ARHGEF16: variants seen among roughly 807,000 people sequenced by gnomAD.
ARHGEF16 encodes the protein Rho guanine nucleotide exchange factor 16.
In ARHGEF16, 59 loss-of-function variants were observed where a neutral mutation model predicts 74.1. The ratio of observed to expected loss-of-function variants is 0.80; its 90% CI spans 0.65 to 0.99. The LOEUF is 0.99. ARHGEF16 is among the 50% of genes least tolerant of loss of function. ARHGEF16 has a pLI of 0.00. For synonymous variants in ARHGEF16, 415 were observed against 412.6 expected (o/e 1.01, Z -0.07); for missense variants, 948 against 986.6 (o/e 0.96, Z 0.52).
intron 1 of ARHGEF16, among the ~76,000 whole-genome samples, chr1:3,457,784 G>A (rs571067023): frequency 1.8e-4 from 27 of 152,318 alleles, no homozygotes; most frequent in Non-Finnish European, 3.2e-4. Flanking sequence ...CCGCCTGCTC[G>A]CCTCTGCTGC....
chr1:3,468,892 G>A lies in ARHGEF16; in HGVS notation c.817G>A (p.Gly273Ser), dbSNP rs1639624767. 1 of 1,550,474 alleles carries A rather than the reference G, an allele frequency of 6.4e-7. No individual in the cohort carries two copies. Among genetic ancestry groups the A allele is most frequent in the Non-Finnish European group, 8.7e-7 (1 of 1,146,882 alleles). ...WSQLPEVVEL[G>S]ILDQLSTEER... is the part of the protein sequence containing the mutation. ...TGTGTCCCCCCAGGTGGTGGAATTG[G>A]GCATCCTGGACCAGCTCTCCACTGA... The change falls in exon 5 of 15, where the codon GGC becomes AGC. Residue 273 changes from glycine to serine, a missense_variant. Gly to Ser is a moderately conservative substitution (Grantham distance 56). Transcript: ENST00000378378.
At position 3,476,074 on chromosome 1, in the gene ARHGEF16, C is replaced by G. The variant is rs1407967563; in HGVS notation, c.1473+12C>G. Reference sequence around the variant, plus strand: ...TCAGCAAGGTCAAGGTAGGTGGCCCCGGACATCAGGGCCACTCGGACCACT... The same window carrying G: ...TCAGCAAGGTCAAGGTAGGTGGCCCGGGACATCAGGGCCACTCGGACCACT... On this transcript the variant is annotated intron_variant, in intron 10 of 14. Transcript: ENST00000378378. The G allele has an allele frequency of 2.6e-6, 4 of 1,548,598 alleles. No homozygotes were observed. The highest frequency in any genetic ancestry group is 3.5e-6 in the Non-Finnish European group (4 of 1,145,790).
rs1263350173 is a variant in ARHGEF16 at position 3,474,746 on chromosome 1, C to T, written c.1344C>T (p.Tyr448=). The change falls in exon 9 of 15, where the codon TAC becomes TAT. Residue 448 remains tyrosine (Y), a synonymous_variant. Coordinates refer to ENST00000378378, the MANE Select transcript of ARHGEF16 (RefSeq NM_014448.4). ...AGACCCAGGGCCACTCCGAAAGGTA[C>T]AAGGCTGCCAGCCGTGCACTGAAGG... ...CLKTQGHSER[Y]KAASRALKAI... 6 of 1,612,910 alleles carry T rather than the reference C, an allele frequency of 3.7e-6. No individual in the cohort carries two copies. The highest frequency in any genetic ancestry group is 5.1e-6 in the Non-Finnish European group (6 of 1,179,976).
Position 3,480,625 on chromosome 1 carries a change from C to T in ARHGEF16, c.*38C>T. On this transcript the variant is annotated 3_prime_UTR_variant, in exon 15 of 15. Transcript: ENST00000378378. ...CAGCCGGCGGCAGCACAGCCTGTCT[C>T]CAATCAGCAAGTGGTCGTGCCTGGC... is the stretch of plus-strand genomic sequence containing the variant. The T allele has an allele frequency of 6.3e-7, 1 of 1,590,412 alleles. No homozygotes were observed. Among genetic ancestry groups the T allele is most frequent in the Non-Finnish European group, 8.5e-7 (1 of 1,173,640 alleles).
chr1:3,471,658 A>G, intron 6 of ARHGEF16: 1 of 1,228,620 alleles, frequency 8.1e-7, no homozygotes, highest in South Asian at 1.4e-5. Flanking sequence ...AGGCAGCTGC[A>G]TGTTTGCCTC....
chr1:3,480,396 G>A lies in ARHGEF16; in HGVS notation c.1991-52G>A, dbSNP rs74050532. On this transcript the variant is annotated intron_variant, in intron 14 of 14. Transcript: ENST00000378378. ...TCAGGCATAGCAGCTCAGAGGGGCC[G>A]GGGGACCCACGGCCTTCCCCTCACC... 3.4e-5 allele frequency: 54 copies of A among 1,603,462 alleles called. No homozygotes were observed. The Admixed American group carries it at 5.7e-4, about 17-fold the overall frequency.
chr1:3,477,557 G>T (rs56341824), intron 10 of ARHGEF16, among the ~76,000 whole-genome samples: 8,658 of 151,240 alleles, frequency 0.057, 304 homozygotes, highest in East Asian at 0.13. Context: ...CCACGGAGGG[G>T]TGAGGTGTGT....
chr1:3,475,007 A>T (rs111257583), intron 9 of ARHGEF16, among the ~76,000 whole-genome samples: 22 of 137,526 alleles, frequency 1.6e-4, no homozygotes, highest in African/African-American at 6.9e-4. Context: ...TGACAGGGAA[A>T]CTGAGGCCCA....
chr1:3,469,329 C>T, intron 5 of ARHGEF16, 104 bp from the exon 6 acceptor site: 1 of 1,380,776 alleles, frequency 7.2e-7, no homozygotes, highest in Non-Finnish European at 1.0e-6. Flanking sequence ...CTGTCCCCAC[C>T]TGCCCCTGCC....
chr1:3,468,157 G>C (rs1387407352), intron 4 of ARHGEF16, among the ~76,000 whole-genome samples: 1 of 152,204 alleles, frequency 6.6e-6, no homozygotes, highest in Non-Finnish European at 1.5e-5. Flanking sequence ...GTCGGGGATG[G>C]AGTCCAGTAC....
In ARHGEF16 at chr1:3,473,447, G is replaced by T. The variant is rs567859784; in HGVS notation, c.1230G>T (p.Ala410=). ...EALREIERRP[A]CGGLPMLSFL... ...TGAGAGAGATTGAGAGGCGGCCGGC[G>T]TGCGGGGGCCTGCCCATGCTCTCCT... Residue 410 remains alanine (A), a synonymous_variant, in exon 8 of 15, where the codon GCG becomes GCT. Coordinates refer to ENST00000378378, the MANE Select transcript of ARHGEF16 (RefSeq NM_014448.4). The T allele has an allele frequency of 6.2e-7, 1 of 1,612,474 alleles. No individual in the cohort carries two copies. Among genetic ancestry groups the T allele is most frequent in the Non-Finnish European group, 8.5e-7 (1 of 1,179,962 alleles).
At chr1:3,471,079 G>T (rs1639706697) in intron 6 of ARHGEF16, among the ~76,000 whole-genome samples, 1 of 144,022 alleles carries the variant, frequency 6.9e-6, no homozygotes, top group Non-Finnish European at 1.5e-5. Context: ...TGTGTGCATG[G>T]GCAGGGGTGT....
chr1:3,463,243 G>C lies in ARHGEF16; in HGVS notation c.159G>C (p.Gln53His). Residue 53 changes from glutamine (Q) to histidine (H), a missense_variant, in exon 2 of 15, where the codon CAG becomes CAC. Transcript: ENST00000378378. Reference sequence around the variant, plus strand: ...GAGACGATGCCGCCTTCCAGCCCCAGGTCCCGGCACCCCCACAGCCTCGGC... The same window carrying C: ...GAGACGATGCCGCCTTCCAGCCCCACGTCCCGGCACCCCCACAGCCTCGGC... Reference protein sequence around the residue: ...RVRDDAAFQPQVPAPPQPRPP... With the variant: ...RVRDDAAFQPHVPAPPQPRPP... The C allele has an allele frequency of 6.5e-7, 1 of 1,548,132 alleles. No individual in the cohort carries two copies. The highest frequency in any genetic ancestry group is 8.7e-7 in the Non-Finnish European group (1 of 1,145,360).
At chr1:3,469,256 G>A (rs780319040) in intron 5 of ARHGEF16, among the ~76,000 whole-genome samples, 177 bp from the exon 6 acceptor site, 4 of 152,158 alleles carry the variant, frequency 2.6e-5, no homozygotes, top group African/African-American at 4.8e-5. Context: ...ATCCAGGGAC[G>A]TCGGGCTGGC....
At chr1:3,458,822 C>T (rs969000470) in intron 1 of ARHGEF16, among the ~76,000 whole-genome samples, 1 of 152,088 alleles carries the variant, frequency 6.6e-6, no homozygotes, top group Non-Finnish European at 1.5e-5. Flanking sequence ...CTCTCTAAGA[C>T]AATAGAAGAT....
chr1:3,474,501 G>C lies in ARHGEF16; in HGVS notation c.1306-207G>C, dbSNP rs150446643. On this transcript the variant is annotated intron_variant, in intron 8 of 14. Coordinates refer to ENST00000378378, the MANE Select transcript of ARHGEF16 (RefSeq NM_014448.4). ...GTTCCAGGCAGGGGTGCTAGCTCCTGTTCCCACTCAACCTGGCCTGACCTG... is the reference window on the plus strand; with the variant it reads ...GTTCCAGGCAGGGGTGCTAGCTCCTCTTCCCACTCAACCTGGCCTGACCTG... The C allele has an allele frequency of 1.1e-4, 62 of 569,650 alleles. No individual in the cohort carries two copies. In the East Asian group the frequency reaches 1.7e-3, roughly 16 times the overall value. 35.3% of individuals were successfully genotyped at this position (569,650 alleles called of 1,614,324 possible).
intron 12 of ARHGEF16, 110 bp from the exon 13 acceptor site, chr1:3,479,407 C>T (rs1639991817): frequency 1.8e-6 from 2 of 1,096,016 alleles, no homozygotes; most frequent in East Asian, 2.7e-5. Context: ...CCCACCCCCA[C>T]CACCCCCATC....
At chr1:3,462,570 G>A (rs1639425819) in intron 1 of ARHGEF16, among the ~76,000 whole-genome samples, 2 of 152,320 alleles carry the variant, frequency 1.3e-5, no homozygotes, top group African/African-American at 2.4e-5. Flanking sequence ...CCAGTGCAAC[G>A]CCATGACCCT....
At chr1:3,477,106 G>A (rs1375813658) in intron 10 of ARHGEF16, among the ~76,000 whole-genome samples, 2 of 151,848 alleles carry the variant, frequency 1.3e-5, no homozygotes, top group South Asian at 2.1e-4. Flanking sequence ...GGAGGGTGGT[G>A]GCAGAGGCCG....
Sources: allele counts gnomAD v4.1 joint callset (sites outside exome capture counted in the v4.1 genomes callset), GRCh38; gene constraint gnomAD v4.1.1; transcripts MANE v1.5; gene names NCBI Gene and HGNC (gene_info 2026-07-23, HGNC 2026-07-21).